TP63: variants seen among roughly 807,000 people sequenced by gnomAD.
TP63 encodes the protein tumor protein p63, also known as tumor protein 63.
Under a neutral mutation model 82.8 loss-of-function variants are expected in TP63, and 17 were observed. The observed-to-expected ratio is 0.21, with a 90% CI of 0.14 to 0.31. TP63 has a LOEUF of 0.31. Ranked by LOEUF, TP63 falls within the 10% of genes least tolerant of loss-of-function variation. The pLI, the probability that TP63 is intolerant of heterozygous loss-of-function variation, is 1.00. For synonymous variants in TP63, 330 were observed against 321.7 expected, an observed-to-expected ratio of 1.03 and a Z score of -0.28; for missense variants, 648 against 895.3, an observed-to-expected ratio of 0.72 and a Z score of 3.52.
In TP63 at chr3:189,684,346, A is replaced by G. The variant is rs554959362; in HGVS notation, c.62+52769A>G. ...ATACACATTATAAATGCTGTGGTGG[A>G]CATCTGAACAGAGAGTTTTGAGGGT... On this transcript the variant is annotated intron_variant, in intron 1 of 13. Transcript: ENST00000264731. 2.6e-5 allele frequency among the ~76,000 whole-genome samples: 4 copies of G among 152,300 alleles called. No individual in the cohort carries two copies. In the South Asian group the frequency reaches 8.3e-4, roughly 32 times the overall value.
In TP63 at chr3:189,712,345, G is replaced by C. The variant is rs1348748969; in HGVS notation, c.63-25395G>C. On this transcript the variant is annotated intron_variant, in intron 1 of 13. Coordinates refer to ENST00000264731, the MANE Select transcript of TP63 (RefSeq NM_003722.5). ...GAGGTAAGAAGTGAAGATTAGCTAG[G>C]TTATTAATAAGTCTTAGTCCACTAG... Among the ~76,000 whole-genome samples the C allele has an allele frequency of 2.0e-5, 3 of 152,162 alleles. No individual in the cohort carries two copies. The East Asian group carries it at 5.8e-4, about 29-fold the overall frequency.
intron 1 of TP63, among the ~76,000 whole-genome samples, chr3:189,698,496 AAT>A (rs1392962188): frequency 6.6e-6 from 1 of 152,134 alleles, no homozygotes; most frequent in Non-Finnish European, 1.5e-5. Flanking sequence ...TAGAGAATGT[AAT>A]GATACCTTTC....
Position 189,774,706 on chromosome 3 carries a change from G to C in TP63, c.325-33566G>C, listed in dbSNP as rs373495214. On this transcript the variant is annotated intron_variant, in intron 3 of 13. Transcript: ENST00000264731. ...TCCCTATTTAATAATTGTAAAAATA[G>C]AGTTTCCAATTTTCCCCACTGCTAC... is the stretch of plus-strand genomic sequence containing the variant. Among the ~76,000 whole-genome samples, 100 of 152,210 alleles carry C rather than the reference G, an allele frequency of 6.6e-4. 2 individuals are homozygous for C. Among genetic ancestry groups the C allele is most frequent in the African/African-American group, 2.4e-3 (99 of 41,510 alleles).
chr3:189,624,620 C>G, the TP63 span, among the ~76,000 whole-genome samples: 1 of 152,118 alleles, frequency 6.6e-6, no homozygotes, highest in Non-Finnish European at 1.5e-5. Context: ...GTGATAAATT[C>G]TATTTCATGC....
At chr3:189,836,002 G>T (rs375213751) in intron 4 of TP63, among the ~76,000 whole-genome samples, 108 of 151,404 alleles carry the variant, frequency 7.1e-4, no homozygotes, top group African/African-American at 2.4e-3. Flanking sequence ...TGGCTCACGC[G>T]TCAGACTTCC....
chr3:189,687,458 A>G (rs1716538749), intron 1 of TP63, among the ~76,000 whole-genome samples: 3 of 152,234 alleles, frequency 2.0e-5, no homozygotes, highest in Admixed American at 6.5e-5. Context: ...CTTGAGCTTG[A>G]TAACTTTACA....
At chr3:189,874,613 A>G (rs945946868) in intron 10 of TP63, among the ~76,000 whole-genome samples, 1 of 152,228 alleles carries the variant, frequency 6.6e-6, no homozygotes, top group Admixed American at 6.5e-5. Context: ...GCCTGAGCAG[A>G]AAGTTTAATC....
At chr3:189,771,316 T>TAA (rs1413358691) in intron 3 of TP63, among the ~76,000 whole-genome samples, 29 of 136,642 alleles carry the variant, frequency 2.1e-4, no homozygotes, top group African/African-American at 7.5e-4. Context: ...ATATAATATA[T>TAA]TATATATTTA....
At chr3:189,796,484 A>G (rs1008057521) in intron 3 of TP63, among the ~76,000 whole-genome samples, 1 of 151,998 alleles carries the variant, frequency 6.6e-6, no homozygotes, top group African/African-American at 2.4e-5. Flanking sequence ...GGGAGTGGAT[A>G]AGAGAACTGG....
intron 10 of TP63, among the ~76,000 whole-genome samples, chr3:189,879,416 G>A (rs192940751): frequency 8.3e-4 from 127 of 152,274 alleles, no homozygotes; most frequent in East Asian, 2.1e-3. Flanking sequence ...TTTATAGGCC[G>A]AGTTTTTTAC....
chr3:189,872,186 G>A (rs1456794395), intron 9 of TP63, among the ~76,000 whole-genome samples: 2 of 152,080 alleles, frequency 1.3e-5, no homozygotes, highest in Non-Finnish European at 2.9e-5. Flanking sequence ...AAATGGTATT[G>A]GTGGATATGA....
rs564211499 is a variant in TP63 at position 189,876,202 on chromosome 3, GA to G, written c.1349+3210del. 3.3e-5 allele frequency among the ~76,000 whole-genome samples: 5 copies of G among 152,282 alleles called. No homozygotes were observed. The South Asian group carries it at 1.0e-3, about 32-fold the overall frequency. On this transcript the variant is annotated intron_variant, in intron 10 of 13. Transcript: ENST00000264731. ...AGAATAGTTTCATGTCATTGTTTTA[GA>G]AACTTGACAAGCCAGGAGGATTGAC...
chr3:189,754,238 G>C (rs1203349499), intron 3 of TP63, among the ~76,000 whole-genome samples: 1 of 151,960 alleles, frequency 6.6e-6, no homozygotes, highest in African/African-American at 2.4e-5. Flanking sequence ...ATTTTGAATT[G>C]ATCAAAGTTT....
rs1171263711 is a variant in TP63 at position 189,650,390 on chromosome 3, G to T, written c.62+18813G>T. 4.8e-5 allele frequency among the ~76,000 whole-genome samples: 7 copies of T among 146,944 alleles called. 3 individuals are homozygous for T. Among genetic ancestry groups the T allele is most frequent in the Non-Finnish European group, 7.4e-5 (5 of 67,278 alleles). On this transcript the variant is annotated intron_variant, in intron 1 of 13. Coordinates refer to ENST00000264731, the MANE Select transcript of TP63 (RefSeq NM_003722.5). Reference sequence around the variant, plus strand: ...TTGATGAGTGATATGGTTTGGCTGTGTCCCCCGCCCCAAATCTCATCTTGA... The same window carrying T: ...TTGATGAGTGATATGGTTTGGCTGTTTCCCCCGCCCCAAATCTCATCTTGA...
At chr3:189,679,515 A>G (rs767025370) in intron 1 of TP63, among the ~76,000 whole-genome samples, 1 of 152,108 alleles carries the variant, frequency 6.6e-6, no homozygotes, top group South Asian at 2.1e-4. Flanking sequence ...TAAACTCCTT[A>G]TATATTTAGA....
At chr3:189,883,067 C>T (rs192811891) in intron 10 of TP63, among the ~76,000 whole-genome samples, 14 of 152,216 alleles carry the variant, frequency 9.2e-5, no homozygotes, top group Non-Finnish European at 1.8e-4. Flanking sequence ...AGAGTGTAGG[C>T]AAGAAAACCA....
chr3:189,734,230 G>A (rs1405824004), intron 1 of TP63, among the ~76,000 whole-genome samples: 2 of 136,144 alleles, frequency 1.5e-5, no homozygotes, highest in African/African-American at 5.5e-5. Flanking sequence ...GGCATGCAGT[G>A]GCTCAATCTT....
chr3:189,752,012 C>T (rs1721859281), intron 3 of TP63, among the ~76,000 whole-genome samples: 1 of 151,962 alleles, frequency 6.6e-6, no homozygotes, highest in Non-Finnish European at 1.5e-5. Flanking sequence ...TTTTCTGGGA[C>T]ACTCTAATTA....
In TP63 at chr3:189,808,376, C is replaced by G. The variant is rs745999797; in HGVS notation, c.429C>G (p.Val143=). Residue 143 remains valine, a synonymous_variant, in exon 4 of 14, where the codon GTC becomes GTG. Transcript: ENST00000264731. ...ACACAGACCACGCGCAGAACAGCGT[C>G]ACGGCGCCCTCGCCCTACGCACAGC... The part of the protein sequence containing the change: ...PYNTDHAQNS[V]TAPSPYAQPS... 6.2e-7 allele frequency: 1 copy of G among 1,614,076 alleles called. No homozygotes were observed. The highest frequency in any genetic ancestry group is 1.1e-5 in the South Asian group (1 of 91,090).
Sources: allele counts gnomAD v4.1 joint callset (sites outside exome capture counted in the v4.1 genomes callset), GRCh38; gene constraint gnomAD v4.1.1; transcripts MANE v1.5; gene names NCBI Gene and HGNC (gene_info 2026-07-23, HGNC 2026-07-21).